The following ST8SIA4 variants were observed in gnomAD, a reference collection of about 807,000 sequenced individuals.
ST8SIA4 encodes CMP-N-acetylneuraminate-poly-alpha-2,8-sialyltransferase.
ST8SIA4 carries 15 observed loss-of-function variants against 33.9 expected under a neutral mutation model. The ratio of observed to expected loss-of-function variants is 0.44; its 90% CI spans 0.30 to 0.68. ST8SIA4 has a LOEUF of 0.68. Among genes scored for constraint, ST8SIA4 ranks in the 30% least tolerant of loss-of-function variants. The pLI is 0.10. For synonymous variants in ST8SIA4, 171 were observed against 151.2 expected (o/e 1.13, Z -0.96); for missense variants, 321 against 428.0 (o/e 0.75, Z 2.21).
At chr5:100,893,988 A>G (rs1464100446) in intron 2 of ST8SIA4, among the ~76,000 whole-genome samples, 1 of 152,134 alleles carries the variant, frequency 6.6e-6, no homozygotes, top group East Asian at 1.9e-4. Flanking sequence ...ACCAAAGTAT[A>G]TCTGTGTTTA....
chr5:100,854,167 T>C (rs1414141228), intron 4 of ST8SIA4, among the ~76,000 whole-genome samples: 1 of 151,974 alleles, frequency 6.6e-6, no homozygotes, highest in Non-Finnish European at 1.5e-5. Flanking sequence ...CCAGGGATAT[T>C]TGTAACTTAA....
intron 4 of ST8SIA4, among the ~76,000 whole-genome samples, chr5:100,840,098 A>C (rs1247145436): frequency 6.6e-6 from 1 of 151,736 alleles, no homozygotes; most frequent in Non-Finnish European, 1.5e-5. Flanking sequence ...GTCATATCTT[A>C]TTTGGTCTTA....
chr5:100,857,116 G>A (rs762175653), intron 3 of ST8SIA4, among the ~76,000 whole-genome samples: 8 of 151,996 alleles, frequency 5.3e-5, no homozygotes, highest in African/African-American at 9.7e-5. Context: ...CTTTTCGGAC[G>A]TATGCATCCC....
intron 3 of ST8SIA4, among the ~76,000 whole-genome samples, chr5:100,860,571 T>C (rs776925097): frequency 3.3e-5 from 5 of 152,212 alleles, no homozygotes; most frequent in Non-Finnish European, 7.3e-5. Flanking sequence ...GGGCTCCACA[T>C]AGACCTGAAA....
chr5:100,835,602 C>T (rs573128100), intron 4 of ST8SIA4, among the ~76,000 whole-genome samples: 7 of 152,218 alleles, frequency 4.6e-5, no homozygotes, highest in African/African-American at 1.7e-4. Context: ...CTTGTCACTC[C>T]TGTGAAAAGC....
intron 4 of ST8SIA4, among the ~76,000 whole-genome samples, chr5:100,813,093 T>C (rs1441368647): frequency 6.6e-6 from 1 of 152,100 alleles, no homozygotes; most frequent in Non-Finnish European, 1.5e-5. Context: ...GGGAATATTA[T>C]GTTAGATCCT....
intron 3 of ST8SIA4, among the ~76,000 whole-genome samples, chr5:100,858,229 ACAT>A (rs1751859287): frequency 6.6e-6 from 1 of 152,054 alleles, no homozygotes; most frequent in Admixed American, 6.6e-5. Context: ...TATATTCTGG[ACAT>A]CATTATTACT....
chr5:100,840,660 T>C (rs983059190), intron 4 of ST8SIA4, among the ~76,000 whole-genome samples: 1 of 151,780 alleles, frequency 6.6e-6, no homozygotes, highest in African/African-American at 2.4e-5. Context: ...GGAAGATGAA[T>C]GCCTATATTA....
chr5:100,828,800 A>AT (rs1408201028), intron 4 of ST8SIA4, among the ~76,000 whole-genome samples: 17 of 152,230 alleles, frequency 1.1e-4, no homozygotes, highest in Non-Finnish European at 1.9e-4. Flanking sequence ...TTTTAATACT[A>AT]TTTTTAAGTA....
chr5:100,812,976 C>T (rs1177184564), intron 4 of ST8SIA4, among the ~76,000 whole-genome samples: 1 of 151,958 alleles, frequency 6.6e-6, no homozygotes, highest in Non-Finnish European at 1.5e-5. Context: ...CTCTTACTTT[C>T]AAAGTTGTCC....
chr5:100,891,435 C>T (rs1240212368), intron 2 of ST8SIA4, among the ~76,000 whole-genome samples: 2 of 151,930 alleles, frequency 1.3e-5, no homozygotes, highest in African/African-American at 4.8e-5. Flanking sequence ...ATTATTTTTG[C>T]AAGGCAACTT....
intron 2 of ST8SIA4, among the ~76,000 whole-genome samples, chr5:100,889,319 G>A (rs1216550354): frequency 1.3e-5 from 2 of 151,848 alleles, no homozygotes; most frequent in East Asian, 1.9e-4. Context: ...GAGACTACAC[G>A]GATGTGGTTA....
At chr5:100,902,742 C>T in intron 1 of ST8SIA4, 101 bp downstream of exon 1, 3 of 1,044,892 alleles carry the variant, frequency 2.9e-6, no homozygotes, top group Non-Finnish European at 4.4e-6. Context: ...CAAGCTCAAA[C>T]AAACACACAT....
chr5:100,827,879 C>T (rs1054610762), intron 4 of ST8SIA4, among the ~76,000 whole-genome samples: 1 of 152,216 alleles, frequency 6.6e-6, no homozygotes, highest in African/African-American at 2.4e-5. Context: ...TTTAAGATCA[C>T]AGATTTCCTA....
At position 100,807,181 on chromosome 5, in the gene ST8SIA4, A is replaced by G. The variant is rs994447355; in HGVS notation, c.*4666T>C. The G allele has an allele frequency of 6.6e-6, 1 of 152,182 alleles. No individual in the cohort carries two copies. Among genetic ancestry groups the G allele is most frequent in the African/African-American group, 2.4e-5 (1 of 41,460 alleles). 9.4% of individuals were successfully genotyped at this position (152,182 alleles called of 1,614,324 possible). On this transcript the variant is annotated 3_prime_UTR_variant, in exon 5 of 5. Coordinates refer to ENST00000231461, the MANE Select transcript of ST8SIA4 (RefSeq NM_005668.6). ...ATACAAAGTATAACCAAGGGCTTGGATATATGAGATAAGAGAAACAGTGAA... is the reference window on the plus strand; with the variant it reads ...ATACAAAGTATAACCAAGGGCTTGGGTATATGAGATAAGAGAAACAGTGAA...
intron 3 of ST8SIA4, among the ~76,000 whole-genome samples, chr5:100,866,931 T>G (rs543429887): frequency 1.3e-5 from 2 of 152,212 alleles, no homozygotes; most frequent in South Asian, 4.1e-4. Flanking sequence ...TTACACTACA[T>G]GAATTGTCAA....
chr5:100,872,890 A>G (rs914711313), intron 3 of ST8SIA4, among the ~76,000 whole-genome samples: 1 of 151,962 alleles, frequency 6.6e-6, no homozygotes, highest in Non-Finnish European at 1.5e-5. Context: ...AAAAAAAAAA[A>G]AAAAATCAAA....
intron 3 of ST8SIA4, chr5:100,886,112 A>G: frequency 5.4e-6 from 7 of 1,292,384 alleles, no homozygotes; most frequent in Non-Finnish European, 6.9e-6. Context: ...CACCAAAAAA[A>G]GCTGTGTGAA....
intron 4 of ST8SIA4, among the ~76,000 whole-genome samples, chr5:100,852,722 G>A (rs1371876382): frequency 1.3e-5 from 2 of 152,126 alleles, no homozygotes; most frequent in African/African-American, 4.8e-5. Flanking sequence ...ATACCTAAGA[G>A]TATCTGAATT....
Sources: allele counts gnomAD v4.1 joint callset (sites outside exome capture counted in the v4.1 genomes callset), GRCh38; gene constraint gnomAD v4.1.1; transcripts MANE v1.5; gene names NCBI Gene and HGNC (gene_info 2026-07-23, HGNC 2026-07-21).